The following KLRG1 variants were observed in gnomAD, a reference collection of about 807,000 sequenced individuals.
KLRG1 encodes the protein killer cell lectin-like receptor subfamily G member 1.
A neutral mutation model predicts 21.8 loss-of-function variants in KLRG1; 16 were observed. The ratio of observed to expected loss-of-function variants is 0.73; its 90% CI spans 0.50 to 1.11. The LOEUF (loss-of-function observed/expected upper bound fraction) is 1.11, where lower values mean the gene tolerates loss of function less well. Among genes scored for constraint, KLRG1 ranks in the 50% most tolerant of loss-of-function variants. KLRG1 has a pLI of 0.00. For synonymous variants in KLRG1, 69 were observed against 75.9 expected (o/e 0.91, Z 0.47); for missense variants, 173 against 218.3 (o/e 0.79, Z 1.31).
downstream of KLRG1, among the ~76,000 whole-genome samples, chr12:9,013,620 C>T (rs1565556665): frequency 6.6e-6 from 1 of 152,130 alleles, no homozygotes; most frequent in Non-Finnish European, 1.5e-5. Flanking sequence ...GCACATCTCA[C>T]GTGGCAGCAG....
At chr12:8,996,343 A>AT (rs1171391436) in intron 3 of KLRG1, among the ~76,000 whole-genome samples, 1 of 152,180 alleles carries the variant, frequency 6.6e-6, no homozygotes, top group East Asian at 1.9e-4. Flanking sequence ...GTCAACATAA[A>AT]TAACATCTAT....
the KLRG1 span, among the ~76,000 whole-genome samples, chr12:9,197,686 TAATATATATAATTATATATTATACAATAC>T: frequency 0.025 from 2,399 of 97,838 alleles, 148 homozygotes; most frequent in Non-Finnish European, 0.028. Flanking sequence ...ATACAATACA[TAATATATATAATTATATATTATACAATAC>T]ATAATATATA....
the KLRG1 span, among the ~76,000 whole-genome samples, chr12:9,211,420 A>G: frequency 6.6e-6 from 1 of 151,752 alleles, no homozygotes; most frequent in East Asian, 1.9e-4. Context: ...TTCTGTTCTT[A>G]TATAATTTTT....
At chr12:9,118,902 G>A in the KLRG1 span, among the ~76,000 whole-genome samples, 310 of 152,296 alleles carry the variant, frequency 2.0e-3, 1 homozygote, top group Middle Eastern at 6.8e-3. Flanking sequence ...TACCCACGTA[G>A]AAGATGTTGA....
At chr12:9,079,314 T>TAG in the KLRG1 span, 1 of 1,613,726 alleles carries the variant, frequency 6.2e-7, no homozygotes. Flanking sequence ...TGTTTGTAGT[T>TAG]CAACTGTCTC....
At chr12:9,036,361 G>T in the KLRG1 span, 1 of 156,858 alleles carries the variant, frequency 6.4e-6, no homozygotes, top group Non-Finnish European at 1.4e-5. Flanking sequence ...CGACCTATGG[G>T]CAGACCTGCA....
the KLRG1 span, chr12:9,166,352 T>A: frequency 1.4e-6 from 1 of 707,006 alleles, no homozygotes; most frequent in Admixed American, 3.3e-5. Context: ...AAATACTTTG[T>A]GATCCCTCAT....
chr12:9,094,339 G>GTA, the KLRG1 span, among the ~76,000 whole-genome samples: 26 of 65,252 alleles, frequency 4.0e-4, no homozygotes, highest in East Asian at 0.017. Context: ...AAAAAATTGT[G>GTA]CATATATATA....
At chr12:9,067,796 G>C in the KLRG1 span, 1 of 1,611,440 alleles carries the variant, frequency 6.2e-7, no homozygotes, top group East Asian at 2.2e-5. Flanking sequence ...CAGGACTCCA[G>C]CAAAGCACTT....
the KLRG1 span, chr12:9,158,715 CT>C: frequency 1.6e-6 from 1 of 637,884 alleles, no homozygotes; most frequent in Non-Finnish European, 2.3e-6. Context: ...GAGACTTTTT[CT>C]TTTTAGCTTA....
At chr12:9,056,685 A>G in the KLRG1 span, among the ~76,000 whole-genome samples, 1 of 152,044 alleles carries the variant, frequency 6.6e-6, no homozygotes, top group Non-Finnish European at 1.5e-5. Flanking sequence ...AGCTGGGACT[A>G]CTACAGGTGT....
At chr12:8,961,454 C>T (rs989388152) in intron 1 of KLRG1, among the ~76,000 whole-genome samples, 3 of 151,990 alleles carry the variant, frequency 2.0e-5, no homozygotes, top group Non-Finnish European at 4.4e-5. Context: ...CTCTTGTTGC[C>T]CAGACTGGAG....
At chr12:9,047,281 G>A in the KLRG1 span, among the ~76,000 whole-genome samples, 1 of 152,184 alleles carries the variant, frequency 6.6e-6, no homozygotes, top group Non-Finnish European at 1.5e-5. Context: ...TATAAGGGAC[G>A]GGAGTGAGGT....
At chr12:9,017,983 A>C in the KLRG1 span, among the ~76,000 whole-genome samples, 1 of 152,240 alleles carries the variant, frequency 6.6e-6, no homozygotes, top group South Asian at 2.1e-4. Context: ...GAACAATCTG[A>C]AAAAGAAATC....
chr12:9,206,145 G>C, the KLRG1 span, among the ~76,000 whole-genome samples: 3 of 151,984 alleles, frequency 2.0e-5, no homozygotes, highest in Admixed American at 6.6e-5. Flanking sequence ...CTGATCTCCT[G>C]ATCACTGCTC....
At chr12:9,172,070 C>T in the KLRG1 span, among the ~76,000 whole-genome samples, 3 of 152,026 alleles carry the variant, frequency 2.0e-5, no homozygotes, top group African/African-American at 7.2e-5. Context: ...ATGAAAGAAA[C>T]CATGTTAAGG....
the KLRG1 span, chr12:9,158,705 G>T: frequency 1.2e-6 from 1 of 868,738 alleles, no homozygotes; most frequent in Non-Finnish European, 1.6e-6. Flanking sequence ...TGAGAGTTTG[G>T]AGACTTTTTC....
At chr12:9,157,360 A>G in the KLRG1 span, 1 of 1,608,898 alleles carries the variant, frequency 6.2e-7, no homozygotes, top group Non-Finnish European at 8.5e-7. Flanking sequence ...AGGGTTCTGT[A>G]AAGGCAAAAT....
At chr12:9,148,826 G>A in the KLRG1 span, 66 of 646,940 alleles carry the variant, frequency 1.0e-4, no homozygotes, top group African/African-American at 1.1e-3. Flanking sequence ...ATGAATGAAT[G>A]ATGCAACAAG....
Sources: allele counts gnomAD v4.1 joint callset (sites outside exome capture counted in the v4.1 genomes callset), GRCh38; gene constraint gnomAD v4.1.1; transcripts MANE v1.5; gene names NCBI Gene and HGNC (gene_info 2026-07-23, HGNC 2026-07-21).